The following REEP3 variants were observed in gnomAD, a reference collection of about 807,000 sequenced individuals.
REEP3 encodes the protein receptor expression-enhancing protein 3.
REEP3 carries 20 observed loss-of-function variants against 41.3 expected under a neutral mutation model. That is an observed-to-expected ratio of 0.48 (90% confidence interval 0.34 to 0.70). The LOEUF (loss-of-function observed/expected upper bound fraction) is 0.70. Among genes scored for constraint, REEP3 ranks in the 30% least tolerant of loss-of-function variants. REEP3 has a pLI of 0.01. For synonymous variants in REEP3, 104 were observed against 101.8 expected, an observed-to-expected ratio of 1.02 and a Z score of -0.13; for missense variants, 271 against 308.8, an observed-to-expected ratio of 0.88 and a Z score of 0.92.
chr10:63,526,128 A>G (rs1233498849), intron 1 of REEP3, among the ~76,000 whole-genome samples: 1 of 152,202 alleles, frequency 6.6e-6, no homozygotes, highest in Non-Finnish European at 1.5e-5. Context: ...TGTGTAGGTA[A>G]CATAATTTTA....
chr10:63,578,897 T>A (rs1253323289), intron 2 of REEP3, among the ~76,000 whole-genome samples: 1 of 152,230 alleles, frequency 6.6e-6, no homozygotes, highest in Non-Finnish European at 1.5e-5. Context: ...TAAATTAGGT[T>A]ATTATTTCTT....
rs1357384177 is a variant in REEP3, at chr10:63,623,227, T to C, written c.*2358T>C. 1.3e-5 allele frequency: 2 copies of C among 152,224 alleles called. No homozygotes were observed. Among genetic ancestry groups the C allele is most frequent in the African/African-American group, 4.8e-5 (2 of 41,456 alleles). The allele number at this position is 152,224 out of a possible 1,614,324, so 9.4% of individuals were successfully genotyped here. A position where few individuals can be genotyped will look rare whatever the true frequency, so the allele number is the denominator to read the frequency against. On this transcript the variant is annotated 3_prime_UTR_variant, in exon 8 of 8. Transcript: ENST00000373758. ...TCTTTCCTTACATCATTATACACTG[T>C]TGATATCATTTTACTCTTCTTTCTC...
intron 2 of REEP3, among the ~76,000 whole-genome samples, chr10:63,577,270 C>T (rs1368103951): frequency 6.6e-6 from 1 of 152,142 alleles, no homozygotes; most frequent in Non-Finnish European, 1.5e-5. Flanking sequence ...TTTGCAAATC[C>T]AGAAACCCTC....
At chr10:63,535,778 T>C (rs186778698) in intron 1 of REEP3, among the ~76,000 whole-genome samples, 38 of 152,150 alleles carry the variant, frequency 2.5e-4, no homozygotes, top group African/African-American at 7.5e-4. Flanking sequence ...TAATTGGTTA[T>C]CTCTCAGAAA....
rs565714047 is a variant in REEP3, at chr10:63,621,653, T to C, written c.*784T>C. 1 of 152,770 alleles carries C rather than the reference T, an allele frequency of 6.5e-6. No homozygotes were observed. Among genetic ancestry groups the C allele is most frequent in the East Asian group, 1.9e-4 (1 of 5,196 alleles). The allele number at this position is 152,770 out of a possible 1,614,324, so 9.5% of individuals were successfully genotyped here. On this transcript the variant is annotated 3_prime_UTR_variant, in exon 8 of 8. Transcript: ENST00000373758. ...GTTCAGTTTTAACTATTTTTAATTATCTTCTTAACAAATAAGAAGTTGCTT... is the reference window on the plus strand; with the variant it reads ...GTTCAGTTTTAACTATTTTTAATTACCTTCTTAACAAATAAGAAGTTGCTT...
At chr10:63,529,733 G>C (rs1955401039) in intron 1 of REEP3, among the ~76,000 whole-genome samples, 1 of 151,764 alleles carries the variant, frequency 6.6e-6, no homozygotes, top group African/African-American at 2.4e-5. Context: ...CTCCCAAAGT[G>C]CTGGGATTAC....
chr10:63,592,274 G>T (rs906313620), intron 2 of REEP3, among the ~76,000 whole-genome samples: 3 of 152,110 alleles, frequency 2.0e-5, no homozygotes, highest in African/African-American at 7.2e-5. Flanking sequence ...GCAACTTATT[G>T]ATTTTGGCCC....
At position 63,621,630 on chromosome 10, in the gene REEP3, T is replaced by G. The variant is rs1483363950; in HGVS notation, c.*761T>G. The G allele has an allele frequency of 1.3e-5, 2 of 152,672 alleles. No individual in the cohort carries two copies. Among genetic ancestry groups the G allele is most frequent in the Non-Finnish European group, 2.9e-5 (2 of 68,020 alleles). 9.5% of individuals were successfully genotyped at this position (152,672 alleles called of 1,614,324 possible). A position where few individuals can be genotyped will look rare whatever the true frequency, so the allele number is the denominator to read the frequency against. On this transcript the variant is annotated 3_prime_UTR_variant, in exon 8 of 8. Transcript: ENST00000373758. ...ATAATATAAAAGTATAGCTAATTGT[T>G]CAGTTTTAACTATTTTTAATTATCT...
intron 2 of REEP3, among the ~76,000 whole-genome samples, chr10:63,580,842 A>G (rs181322130): frequency 1.3e-5 from 2 of 152,076 alleles, no homozygotes; most frequent in East Asian, 3.9e-4. Flanking sequence ...GCAAGACCCT[A>G]CCTCTACAAA....
chr10:63,544,086 GA>G (rs1302831390), intron 1 of REEP3, among the ~76,000 whole-genome samples: 5 of 152,112 alleles, frequency 3.3e-5, no homozygotes, highest in African/African-American at 9.7e-5. Flanking sequence ...TTTCATCTTT[GA>G]AATTATCTTC....
intron 1 of REEP3, among the ~76,000 whole-genome samples, chr10:63,547,479 T>G (rs1417724894): frequency 5.9e-5 from 9 of 152,152 alleles, no homozygotes; most frequent in Admixed American, 5.9e-4. Flanking sequence ...GTGGGGTGCA[T>G]GCAAGTAGCC....
chr10:63,574,085 A>G (rs904309216), intron 2 of REEP3, among the ~76,000 whole-genome samples: 16 of 152,252 alleles, frequency 1.1e-4, no homozygotes, highest in African/African-American at 3.9e-4. Context: ...CTAACTCTCT[A>G]GAGGCAACTA....
At chr10:63,589,785 C>CTTTTTTTTTTTTTTTTTTT (rs59658061) in intron 2 of REEP3, among the ~76,000 whole-genome samples, 5 of 80,820 alleles carry the variant, frequency 6.2e-5, no homozygotes, top group African/African-American at 1.9e-4. Context: ...AGCAGAACAT[C>CTTTTTTTTTTTTTTTTTTT]TTTTTTTTTT....
chr10:63,599,688 G>T (rs1319765830), intron 5 of REEP3: 1 of 985,960 alleles, frequency 1.0e-6, no homozygotes, highest in South Asian at 4.7e-5. Flanking sequence ...GCTTACTTCT[G>T]CACCTCTACT....
chr10:63,606,930 A>G (rs1185849637), intron 5 of REEP3, among the ~76,000 whole-genome samples: 2 of 152,330 alleles, frequency 1.3e-5, no homozygotes, highest in East Asian at 1.9e-4. Flanking sequence ...CATACTTGCA[A>G]TCATATTATG....
At chr10:63,535,614 A>T (rs1322230514) in intron 1 of REEP3, among the ~76,000 whole-genome samples, 1 of 152,208 alleles carries the variant, frequency 6.6e-6, no homozygotes, top group African/African-American at 2.4e-5. Flanking sequence ...TAGGAATTAC[A>T]ACCTTGTAGT....
intron 1 of REEP3, among the ~76,000 whole-genome samples, chr10:63,531,318 A>G (rs1254252472): frequency 1.3e-5 from 2 of 152,216 alleles, no homozygotes; most frequent in Admixed American, 6.5e-5. Flanking sequence ...CATTATTCAT[A>G]TTTTTAAGTG....
chr10:63,590,682 T>C (rs1956053565), intron 2 of REEP3, among the ~76,000 whole-genome samples: 1 of 152,168 alleles, frequency 6.6e-6, no homozygotes, highest in Non-Finnish European at 1.5e-5. Flanking sequence ...CCACTGGGAA[T>C]GGGGGACTTG....
chr10:63,588,580 A>G (rs1467300736), intron 2 of REEP3, among the ~76,000 whole-genome samples: 1 of 152,180 alleles, frequency 6.6e-6, no homozygotes, highest in Non-Finnish European at 1.5e-5. Context: ...TCATTCACCA[A>G]TCCATCAACA....
Sources: allele counts gnomAD v4.1 joint callset (sites outside exome capture counted in the v4.1 genomes callset), GRCh38; gene constraint gnomAD v4.1.1; transcripts MANE v1.5; gene names NCBI Gene and HGNC (gene_info 2026-07-23, HGNC 2026-07-21).